The following NLRC3 variants were observed in gnomAD, a reference collection of about 807,000 sequenced individuals.
NLRC3 encodes the protein NLR family CARD domain-containing protein 3.
NLRC3 carries 87 observed loss-of-function variants against 91.6 expected under a neutral mutation model. The observed-to-expected ratio is 0.95, with a 90% confidence interval of 0.80 to 1.14. The LOEUF (loss-of-function observed/expected upper bound fraction) is 1.14. NLRC3 is among the 50% of genes most tolerant of loss of function. The pLI, the probability that NLRC3 is intolerant of heterozygous loss-of-function variation, is 0.00. For synonymous variants in NLRC3, 694 were observed against 625.3 expected (o/e 1.11, Z -1.64); for missense variants, 1,577 against 1,418.6 (o/e 1.11, Z -1.79).
chr16:3,569,173 G>C (rs1268460904), intron 1 of NLRC3, among the ~76,000 whole-genome samples: 1 of 151,674 alleles, frequency 6.6e-6, no homozygotes, highest in Non-Finnish European at 1.5e-5. Context: ...AGTTAGCTGG[G>C]TGTGATGGCG....
At chr16:3,553,127 A>G (rs1214853603) in intron 9 of NLRC3, among the ~76,000 whole-genome samples, 1 of 152,130 alleles carries the variant, frequency 6.6e-6, no homozygotes, top group Non-Finnish European at 1.5e-5. Context: ...TAAAAAATGT[A>G]ATTTTCCCTG....
intron 1 of NLRC3, among the ~76,000 whole-genome samples, chr16:3,568,884 AAC>A (rs1268410205): frequency 1.3e-5 from 2 of 152,312 alleles, no homozygotes; most frequent in African/African-American, 4.8e-5. Flanking sequence ...TATTTTTAAA[AAC>A]AGTTTTTGTC....
rs184791481 is a variant in NLRC3 at position 3,559,683 on chromosome 16, G to A, written c.2016-2007C>T. Reference sequence around the variant, plus strand: ...AGACGGGGTCTTGCTCTGTCACCTCGGCTGGAGTGCAGTGGCGCAATCTTG... The same window carrying A: ...AGACGGGGTCTTGCTCTGTCACCTCAGCTGGAGTGCAGTGGCGCAATCTTG... On this transcript the variant is annotated intron_variant, in intron 6 of 19. Transcript: ENST00000359128. Among the ~76,000 whole-genome samples the A allele has an allele frequency of 1.9e-4, 27 of 140,844 alleles. 1 individual carries two copies. Among genetic ancestry groups the A allele is most frequent in the African/African-American group, 2.9e-4 (11 of 37,662 alleles). The allele number at this position is 140,844 out of a possible 152,430, so 92.4% of individuals were successfully genotyped here.
chr16:3,546,593 G>A (rs1042553734), intron 15 of NLRC3, among the ~76,000 whole-genome samples: 2 of 152,044 alleles, frequency 1.3e-5, no homozygotes, highest in East Asian at 3.9e-4. Context: ...GGAAGTGGGA[G>A]GTGAGAGTGA....
In NLRC3 at chr16:3,563,751, T is replaced by C; in HGVS notation, c.1186A>G (p.Met396Val). The C allele has an allele frequency of 6.2e-7, 1 of 1,613,510 alleles. No individual in the cohort carries two copies. The highest frequency in any genetic ancestry group is 8.5e-7 in the Non-Finnish European group (1 of 1,179,808). The change falls in exon 5 of 20, where the codon ATG becomes GTG. Residue 396 changes from methionine to valine, a missense_variant. Physicochemically the swap from Met to Val is conservative, Grantham distance 21. Coordinates refer to ENST00000359128, the MANE Select transcript of NLRC3 (RefSeq NM_178844.4). ...IEQVAHGGRKMVGTLGRLAFH... is the reference protein window; with the variant it reads ...IEQVAHGGRKVVGTLGRLAFH... ...GCCAGACGGCCCAATGTCCCCACCATCTTGCGGCCACCATGGGCCACCTGC... is the reference window on the plus strand; with the variant it reads ...GCCAGACGGCCCAATGTCCCCACCACCTTGCGGCCACCATGGGCCACCTGC...
chr16:3,564,312 C>T lies in NLRC3; in HGVS notation c.625G>A (p.Ala209Thr), dbSNP rs754416379. ...PHVGEPSLAV[A>T]VPARALLILD... ...ATCAGGAGGGCCCTGGCTGGGACTG[C>T]CACCGCCAGGCTGGGCTCCCCGACG... The change falls in exon 5 of 20, where the codon GCA (alanine) becomes ACA (threonine). Residue 209 changes from alanine (A) to threonine (T), a missense_variant. Physicochemically the swap from Ala to Thr is moderately conservative, Grantham distance 58 (BLOSUM62 0). Transcript: ENST00000359128. This position sits in a 1 kb window ranked among gnomAD's most constrained non-coding sequence, Gnocchi z 5.9. 2 of 1,611,174 alleles carry T rather than the reference C, an allele frequency of 1.2e-6. No individual in the cohort carries two copies. The highest frequency in any genetic ancestry group is 1.7e-6 in the Non-Finnish European group (2 of 1,179,402).
At chr16:3,543,812 T>C in intron 16 of NLRC3, 1 of 406,058 alleles carries the variant, frequency 2.5e-6, no homozygotes, top group South Asian at 3.2e-5. Context: ...TAATATCATA[T>C]TTCCTATATT....
rs1050591638 is a variant in NLRC3 at position 3,548,193 on chromosome 16, C to A, written c.2713G>T (p.Gly905Cys). The A allele has an allele frequency of 6.3e-7, 1 of 1,594,916 alleles. No homozygotes were observed. Among genetic ancestry groups the A allele is most frequent in the South Asian group, 1.1e-5 (1 of 87,658 alleles). ...GCTTGTCCCAGGGCCTGGGCAGCGC[C>A]GGCCTGGATGAAGTTCCACTGCAGG... ...LHLQWNFIQA[G>C]AAQALGQALQ... Residue 905 changes from glycine to cysteine, a missense_variant, in exon 15 of 20, where the codon GGC (glycine) becomes TGC (cysteine). Coordinates refer to ENST00000359128, the MANE Select transcript of NLRC3 (RefSeq NM_178844.4).
At position 3,543,422 on chromosome 16, in the gene NLRC3, T is replaced by TA. The variant is rs1328526414; in HGVS notation, c.2939+2dup. The stretch of plus-strand genomic sequence containing the variant: ...GACCATAGATGGAGACTGGAATACT[T>TA]ACTCGAGAATCTCCAAGGTTCTGTT... On this transcript the variant is annotated splice_region_variant and intron_variant, in intron 17 of 19. Coordinates refer to ENST00000359128, the MANE Select transcript of NLRC3 (RefSeq NM_178844.4). The TA allele has an allele frequency of 1.9e-6, 3 of 1,604,182 alleles. No homozygotes were observed. The highest frequency in any genetic ancestry group is 2.6e-6 in the Non-Finnish European group (3 of 1,172,338).
intron 2 of NLRC3, among the ~76,000 whole-genome samples, chr16:3,566,693 G>A (rs536197857): frequency 6.7e-6 from 1 of 148,478 alleles, no homozygotes; most frequent in South Asian, 2.1e-4. Context: ...CCATTGCACT[G>A]TAGCCTGGGC....
rs1349607186 is a variant in NLRC3 at position 3,564,643 on chromosome 16, G to A, written c.294C>T (p.Asp98=). The A allele has an allele frequency of 5.6e-6, 9 of 1,607,250 alleles. No individual in the cohort carries two copies. The highest frequency in any genetic ancestry group is 8.5e-7 in the Non-Finnish European group (1 of 1,179,706). Residue 98 remains aspartate (D), a synonymous_variant, in exon 5 of 20, where the codon GAC becomes GAT. Coordinates refer to ENST00000359128, the MANE Select transcript of NLRC3 (RefSeq NM_178844.4). This position sits in a 1 kb window ranked among gnomAD's most constrained non-coding sequence, Gnocchi z 5.9. ...TGAAGTCGTGTTCCCTCAGCTGCAG[G>A]TCCGTCAGGCCCTCCACCAGCAGGA... ...ASLLLVEGLT[D]LQLREHDFTQ...
chr16:3,548,793 G>A, intron 13 of NLRC3, 40 bp from the exon 14 acceptor site: 2 of 1,421,186 alleles, frequency 1.4e-6, no homozygotes, highest in Non-Finnish European at 1.9e-6. Flanking sequence ...CCGGGGGCCG[G>A]CTGTGAAGCC....
At chr16:3,560,395 C>G (rs888281054) in intron 6 of NLRC3, among the ~76,000 whole-genome samples, 1 of 152,050 alleles carries the variant, frequency 6.6e-6, no homozygotes, top group Non-Finnish European at 1.5e-5. Context: ...TGCACTCCAG[C>G]CTGCCCAACA....
intron 15 of NLRC3, among the ~76,000 whole-genome samples, chr16:3,547,640 A>ATG (rs972046344): frequency 6.6e-5 from 10 of 151,632 alleles, no homozygotes; most frequent in Admixed American, 1.3e-4. Flanking sequence ...GTGTGTGTAT[A>ATG]TGTGTGTGTG....
Position 3,541,337 on chromosome 16 carries a change from G to A in NLRC3, c.*488C>T, listed in dbSNP as rs1258341082. On this transcript the variant is annotated 3_prime_UTR_variant, in exon 20 of 20. Transcript: ENST00000359128. ...TTCATGTCTGTAAGGATGATACCCT[G>A]AAATCTTCTTCTTGAGAAGATAAAG... The A allele has an allele frequency of 6.5e-6, 1 of 153,514 alleles. No homozygotes were observed. The highest frequency in any genetic ancestry group is 1.4e-5 in the Non-Finnish European group (1 of 69,014). 9.5% of individuals were successfully genotyped at this position (153,514 alleles called of 1,614,324 possible). A position where few individuals can be genotyped will look rare whatever the true frequency, so the allele number is the denominator to read the frequency against.
At position 3,556,537 on chromosome 16, in the gene NLRC3, C is replaced by G. The variant is rs199476283; in HGVS notation, c.2183+374G>C. On this transcript the variant is annotated intron_variant, in intron 8 of 19. Coordinates refer to ENST00000359128, the MANE Select transcript of NLRC3 (RefSeq NM_178844.4). Reference sequence around the variant, plus strand: ...TTGCTTGCTTGTTGAGAGAGTTTCACTCTGTCACCCAGGCTGGAGTGTAGT... The same window carrying G: ...TTGCTTGCTTGTTGAGAGAGTTTCAGTCTGTCACCCAGGCTGGAGTGTAGT... Among the ~76,000 whole-genome samples the G allele has an allele frequency of 2.4e-4, 36 of 151,918 alleles. No homozygotes were observed. The highest frequency in any genetic ancestry group is 1.6e-3 in the Admixed American group (25 of 15,220).
chr16:3,552,872 G>A (rs775962161), intron 9 of NLRC3, among the ~76,000 whole-genome samples: 31 of 152,172 alleles, frequency 2.0e-4, no homozygotes, highest in African/African-American at 5.3e-4. Context: ...CCAGGGAGGC[G>A]GAGGTTGCAG....
rs1460416076 is a variant in NLRC3, at chr16:3,556,987, C to T, written c.2107G>A (p.Gly703Ser). 7 of 1,612,444 alleles carry T rather than the reference C, an allele frequency of 4.3e-6. No individual in the cohort carries two copies. Among genetic ancestry groups the T allele is most frequent in the Admixed American group, 1.7e-5 (1 of 59,990 alleles). Residue 703 changes from glycine (G) to serine (S), a missense_variant, in exon 8 of 20, where the codon GGT (glycine) becomes AGT (serine). Physicochemically the swap from Gly to Ser is moderately conservative, Grantham distance 56. Transcript: ENST00000359128. ...GCCCCTTGTGGTCCAATGGAGTTAC[C>T]GCGGAGGCTGAAGGAAGAGAGAAAG... ...NRSLTSLDLR[G>S]NSIGPQGAKA...
chr16:3,554,380 G>T (rs2039182037), intron 8 of NLRC3, 55 bp from the exon 9 acceptor site: 1 of 1,375,902 alleles, frequency 7.3e-7, no homozygotes, highest in Non-Finnish European at 1.0e-6. Flanking sequence ...GAACCCAGGG[G>T]TCTGAACTCT....
Sources: gnomAD v4.1 joint callset for allele counts (sites outside exome capture counted in the v4.1 genomes callset) on GRCh38, gnomAD v4.1.1 for gene constraint, Gnocchi (gnomAD v3.1) non-coding constraint, MANE v1.5 for transcripts, NCBI Gene and HGNC (gene_info 2026-07-23, HGNC 2026-07-21) for gene names.